The following PTPRD variants were observed in gnomAD, a reference collection of about 807,000 sequenced individuals.
PTPRD encodes receptor-type tyrosine-protein phosphatase delta.
PTPRD carries 34 observed loss-of-function variants against 214.5 expected under a neutral mutation model. The observed-to-expected ratio is 0.16, with a 90% confidence interval of 0.12 to 0.21. The LOEUF (loss-of-function observed/expected upper bound fraction) is 0.21, where lower values mean the gene tolerates loss of function less well. Ranked by LOEUF, PTPRD falls within the 10% of genes least tolerant of loss-of-function variation. PTPRD has a pLI of 1.00. For synonymous variants in PTPRD, 1,128 were observed against 845.7 expected, an observed-to-expected ratio of 1.33 and a Z score of -5.79; for missense variants, 2,545 against 2,398.7, an observed-to-expected ratio of 1.06 and a Z score of -1.27.
chr9:9,548,063 A>C (rs756539836), intron 8 of PTPRD, among the ~76,000 whole-genome samples: 23 of 152,044 alleles, frequency 1.5e-4, no homozygotes, highest in Non-Finnish European at 3.1e-4. Context: ...GCTAAAATGA[A>C]GTTGAAATAA....
chr9:8,944,485 A>G (rs2099052025), intron 11 of PTPRD, among the ~76,000 whole-genome samples: 2 of 152,124 alleles, frequency 1.3e-5, no homozygotes, highest in African/African-American at 4.8e-5. Flanking sequence ...AAAATATCCA[A>G]GATTTGGAAG....
chr9:8,542,342 G>A (rs1332029097), intron 14 of PTPRD, among the ~76,000 whole-genome samples: 4 of 152,156 alleles, frequency 2.6e-5, no homozygotes, highest in Non-Finnish European at 5.9e-5. Flanking sequence ...ATGTAGGCAT[G>A]TTATTTAGGA....
chr9:8,607,619 G>A (rs2095281094), intron 14 of PTPRD, among the ~76,000 whole-genome samples: 2 of 152,080 alleles, frequency 1.3e-5, no homozygotes, highest in South Asian at 4.2e-4. Flanking sequence ...CTCCAGCCTG[G>A]GAGACTGAGC....
chr9:9,040,641 T>C (rs1483578522), intron 10 of PTPRD, among the ~76,000 whole-genome samples: 1 of 152,184 alleles, frequency 6.6e-6, no homozygotes, highest in Non-Finnish European at 1.5e-5. Context: ...TTGAAATCAT[T>C]GTAGCAAGAA....
intron 5 of PTPRD, among the ~76,000 whole-genome samples, chr9:9,906,626 C>T (rs1486748844): frequency 2.0e-5 from 3 of 151,800 alleles, no homozygotes; most frequent in East Asian, 1.9e-4. Flanking sequence ...AAAGAGAATT[C>T]ATTTATGATG....
chr9:8,320,131 A>C (rs1303259272), intron 44 of PTPRD, among the ~76,000 whole-genome samples, 165 bp from the exon 45 acceptor site: 6 of 152,134 alleles, frequency 3.9e-5, no homozygotes, highest in African/African-American at 1.4e-4. Flanking sequence ...CTCTTGGGAT[A>C]CTGAGTTGTA....
intron 7 of PTPRD, among the ~76,000 whole-genome samples, chr9:9,594,247 G>T (rs1055928992): frequency 1.7e-4 from 26 of 151,992 alleles, no homozygotes; most frequent in Non-Finnish European, 7.4e-5. Context: ...CAATTCTATA[G>T]ATGGGCTATA....
At chr9:9,725,392 C>T (rs1435986274) in intron 7 of PTPRD, among the ~76,000 whole-genome samples, 1 of 151,830 alleles carries the variant, frequency 6.6e-6, no homozygotes, top group Non-Finnish European at 1.5e-5. Context: ...TATTGTAAGG[C>T]CTCCCCAGCT....
intron 7 of PTPRD, among the ~76,000 whole-genome samples, chr9:9,666,613 T>G (rs570876828): frequency 2.6e-4 from 40 of 152,144 alleles, no homozygotes; most frequent in African/African-American, 9.4e-4. Flanking sequence ...TTTAATAAGT[T>G]GGCAAATTGT....
At chr9:10,238,334 A>G (rs2099635925) in intron 3 of PTPRD, among the ~76,000 whole-genome samples, 1 of 151,730 alleles carries the variant, frequency 6.6e-6, no homozygotes, top group Non-Finnish European at 1.5e-5. Context: ...AGTTTCCCCC[A>G]CCACCATCTC....
intron 44 of PTPRD, among the ~76,000 whole-genome samples, chr9:8,329,125 T>A (rs1837028402): frequency 6.6e-6 from 1 of 152,108 alleles, no homozygotes; most frequent in Admixed American, 6.5e-5. Context: ...GTTTTTGGAA[T>A]GTTCAGCCTT....
intron 39 of PTPRD, among the ~76,000 whole-genome samples, chr9:8,352,183 A>G (rs1478652847): frequency 6.6e-6 from 1 of 151,672 alleles, no homozygotes; most frequent in Non-Finnish European, 1.5e-5. Context: ...CACACTCCCT[A>G]TTATTCTTAA....
intron 8 of PTPRD, among the ~76,000 whole-genome samples, chr9:9,489,410 G>GA: frequency 6.6e-6 from 1 of 151,998 alleles, no homozygotes; most frequent in Admixed American, 6.5e-5. Flanking sequence ...CCATTCAAAA[G>GA]AAAAAAATAA....
chr9:8,937,487 G>A (rs552177721), intron 11 of PTPRD, among the ~76,000 whole-genome samples: 1 of 152,130 alleles, frequency 6.6e-6, no homozygotes, highest in Admixed American at 6.6e-5. Flanking sequence ...TCATAAATCA[G>A]TTCCAATGTT....
chr9:10,115,559 A>G (rs2098723865), intron 3 of PTPRD, among the ~76,000 whole-genome samples: 1 of 152,064 alleles, frequency 6.6e-6, no homozygotes, highest in Admixed American at 6.6e-5. Context: ...CCAGAACTAT[A>G]CTCACTTTCA....
chr9:8,330,610 A>G (rs959257889), intron 44 of PTPRD, among the ~76,000 whole-genome samples: 1 of 152,214 alleles, frequency 6.6e-6, no homozygotes, highest in Non-Finnish European at 1.5e-5. Flanking sequence ...TGCTTCTTAT[A>G]ACATGCCTGA....
chr9:9,679,693 T>A (rs1331562839), intron 7 of PTPRD, among the ~76,000 whole-genome samples: 1 of 151,858 alleles, frequency 6.6e-6, no homozygotes. Flanking sequence ...TGTTAGCGAT[T>A]AACAGAGTCA....
At chr9:10,218,896 G>C (rs572580292) in intron 3 of PTPRD, among the ~76,000 whole-genome samples, 8 of 151,786 alleles carry the variant, frequency 5.3e-5, no homozygotes, top group African/African-American at 1.9e-4. Flanking sequence ...AAGTCTTGAA[G>C]TTAAACAATA....
chr9:10,454,367 A>G (rs946964271), intron 2 of PTPRD, among the ~76,000 whole-genome samples: 1 of 151,578 alleles, frequency 6.6e-6, no homozygotes, highest in Admixed American at 6.6e-5. Flanking sequence ...TCTAATCATG[A>G]CAATACATCT....
Sources: allele counts gnomAD v4.1 joint callset (sites outside exome capture counted in the v4.1 genomes callset), GRCh38; gene constraint gnomAD v4.1.1; transcripts MANE v1.5; gene names NCBI Gene and HGNC (gene_info 2026-07-23, HGNC 2026-07-21).